The following ADGRL1 variants were observed in gnomAD, a reference collection of about 807,000 sequenced individuals.
The protein encoded by ADGRL1 is adhesion G protein-coupled receptor L1, also known as CIRL-1.
In ADGRL1, 31 loss-of-function variants were observed where a neutral mutation model predicts 148.9. That is an observed-to-expected ratio of 0.21 (90% CI 0.16 to 0.28). The LOEUF is 0.28. ADGRL1 is among the 10% of genes least tolerant of loss of function. The pLI, the probability that ADGRL1 is intolerant of heterozygous loss-of-function variation, is 1.00. For missense variants in ADGRL1, 1,521 were observed against 2,058.8 expected (o/e 0.74, Z 5.05); for synonymous variants, 937 against 900.3 (o/e 1.04, Z -0.73).
Position 14,158,069 on chromosome 19 carries a change from C to G in ADGRL1, c.2365-17G>C. 6.2e-7 allele frequency: 1 copy of G among 1,613,276 alleles called. No individual in the cohort carries two copies. On this transcript the variant is annotated splice_polypyrimidine_tract_variant and intron_variant, in intron 12 of 22. Coordinates refer to ENST00000361434, the MANE Select transcript of ADGRL1 (RefSeq NM_014921.5). Reference sequence around the variant, plus strand: ...GTTCTTGTCCTGTTGTGTGGTGGCACCAGGGTGTCATAACTAGAGTCAGAA... The same window carrying G: ...GTTCTTGTCCTGTTGTGTGGTGGCAGCAGGGTGTCATAACTAGAGTCAGAA...
At chr19:14,177,410 T>C (rs563431803) in intron 3 of ADGRL1, 121 bp downstream of exon 3, 89 of 895,584 alleles carry the variant, frequency 9.9e-5, no homozygotes, top group Non-Finnish European at 1.5e-4. Flanking sequence ...ACCTATTAAG[T>C]GCTCAGTAAA....
Position 14,162,815 on chromosome 19 carries a change from T to C in ADGRL1, c.986A>G (p.Asp329Gly). ...GTTGCCAGCCGCCTCGCTGTCATCA[T>C]CCACGTACACGGAACGCAGGACGTA... ...VLYVLRSVYVDDDSEAAGNRV... is the reference protein window; with the variant it reads ...VLYVLRSVYVGDDSEAAGNRV... The change falls in exon 5 of 23, where the codon GAT (aspartate) becomes GGT (glycine). Residue 329 changes from aspartate to glycine, a missense_variant. This residue lies in a region of ADGRL1 where 334 missense variants were observed against 512.5 expected (regional missense o/e 0.65). Coordinates refer to ENST00000361434, the MANE Select transcript of ADGRL1 (RefSeq NM_014921.5). This position sits in a 1 kb window ranked among gnomAD's most constrained non-coding sequence, Gnocchi z 5.4. 1 of 1,614,046 alleles carries C rather than the reference T, an allele frequency of 6.2e-7. No individual in the cohort carries two copies. The highest frequency in any genetic ancestry group is 8.5e-7 in the Non-Finnish European group (1 of 1,180,008).
At chr19:14,189,279 G>A (rs1318085853) in intron 1 of ADGRL1, among the ~76,000 whole-genome samples, 1 of 148,732 alleles carries the variant, frequency 6.7e-6, no homozygotes, top group Non-Finnish European at 1.5e-5. Flanking sequence ...GGAGTGCCGT[G>A]GCCCAATCTC....
intron 1 of ADGRL1, among the ~76,000 whole-genome samples, chr19:14,185,470 G>A (rs1971524433): frequency 6.6e-6 from 1 of 152,038 alleles, no homozygotes; most frequent in African/African-American, 2.4e-5. Context: ...ATTTTAAAAT[G>A]TCTTATAGAG....
chr19:14,155,968 G>A lies in ADGRL1; in HGVS notation c.3125+142C>T, dbSNP rs2144655667. 1 of 663,800 alleles carries A rather than the reference G, an allele frequency of 1.5e-6. No homozygotes were observed. Among genetic ancestry groups the A allele is most frequent in the East Asian group, 2.7e-5 (1 of 36,622 alleles). 41.1% of individuals were successfully genotyped at this position (663,800 alleles called of 1,614,324 possible). ...AAGTAGGTACATAGTGAACACAATA[G>A]AACACCCCTGTTGGTACTTAAAATT... On this transcript the variant is annotated intron_variant, in intron 17 of 22. Coordinates refer to ENST00000361434, the MANE Select transcript of ADGRL1 (RefSeq NM_014921.5). The surrounding 1 kb of genome is among the most constrained non-coding windows in gnomAD (Gnocchi z 5.0).
At chr19:14,179,026 A>T (rs1338791876) in intron 2 of ADGRL1, among the ~76,000 whole-genome samples, 1 of 151,940 alleles carries the variant, frequency 6.6e-6, no homozygotes, top group Non-Finnish European at 1.5e-5. Context: ...TCTACTAAAA[A>T]TACAAAAATC....
chr19:14,181,488 G>A (rs1210644033), intron 2 of ADGRL1, among the ~76,000 whole-genome samples: 1 of 152,200 alleles, frequency 6.6e-6, no homozygotes, highest in African/African-American at 2.4e-5. Flanking sequence ...GAAGGCCGAG[G>A]TGGGTGGATC....
chr19:14,165,040 G>C (rs1236117526), intron 4 of ADGRL1, among the ~76,000 whole-genome samples: 2 of 152,150 alleles, frequency 1.3e-5, no homozygotes, highest in Non-Finnish European at 2.9e-5. Flanking sequence ...GCACCGGCTT[G>C]GGGGGCAGCC....
At chr19:14,172,345 C>T (rs1186942060) in intron 3 of ADGRL1, among the ~76,000 whole-genome samples, 2 of 152,014 alleles carry the variant, frequency 1.3e-5, no homozygotes, top group Non-Finnish European at 2.9e-5. Flanking sequence ...TCACTTGAAC[C>T]CAGGAGGCGG....
chr19:14,198,097 G>A (rs1397715902), intron 1 of ADGRL1, among the ~76,000 whole-genome samples: 1 of 152,138 alleles, frequency 6.6e-6, no homozygotes, highest in East Asian at 1.9e-4. Context: ...CAAAGGTCCT[G>A]GGGTAGGAAT....
chr19:14,160,482 G>C lies in ADGRL1; in HGVS notation c.1614+111C>G. ...GCCAGGGAGGTGACCCCACAGTCCT[G>C]CCTTCCAGACCTGCCAGCCCATGTC... On this transcript the variant is annotated intron_variant, in intron 7 of 22. Transcript: ENST00000361434. The surrounding 1 kb of genome is among the most constrained non-coding windows in gnomAD (Gnocchi z 5.9). 1.0e-6 allele frequency: 1 copy of C among 967,280 alleles called. No individual in the cohort carries two copies. The highest frequency in any genetic ancestry group is 1.5e-6 in the Non-Finnish European group (1 of 657,538). 59.9% of individuals were successfully genotyped at this position (967,280 alleles called of 1,614,324 possible). A position where few individuals can be genotyped will look rare whatever the true frequency, so the allele number is the denominator to read the frequency against.
At position 14,160,094 on chromosome 19, in the gene ADGRL1, G is replaced by A. The variant is rs998663197; in HGVS notation, c.1800+18C>T. ...GGCGCCCTCCCCATACCAGGTCAGCGCCACCGCCAGGCCCCACCTTGTTGT... is the reference window on the plus strand; with the variant it reads ...GGCGCCCTCCCCATACCAGGTCAGCACCACCGCCAGGCCCCACCTTGTTGT... On this transcript the variant is annotated intron_variant, in intron 8 of 22. Coordinates refer to ENST00000361434, the MANE Select transcript of ADGRL1 (RefSeq NM_014921.5). The surrounding 1 kb of genome is among the most constrained non-coding windows in gnomAD (Gnocchi z 5.9). 4.2e-5 allele frequency: 66 copies of A among 1,563,424 alleles called. No homozygotes were observed. Among genetic ancestry groups the A allele is most frequent in the Non-Finnish European group, 5.5e-5 (63 of 1,147,160 alleles).
intron 1 of ADGRL1, among the ~76,000 whole-genome samples, chr19:14,200,954 G>A (rs921900700): frequency 5.9e-5 from 9 of 152,184 alleles, no homozygotes; most frequent in Non-Finnish European, 1.2e-4. Flanking sequence ...TGCCAACCCA[G>A]GACAATTCTG....
intron 1 of ADGRL1, among the ~76,000 whole-genome samples, chr19:14,185,434 C>T (rs1971521778): frequency 1.3e-5 from 2 of 152,218 alleles, no homozygotes; most frequent in Admixed American, 6.5e-5. Context: ...GCTGGGACCA[C>T]AGGCTCTCGC....
At chr19:14,201,417 A>ATT (rs59270792) in intron 1 of ADGRL1, among the ~76,000 whole-genome samples, 4 of 138,286 alleles carry the variant, frequency 2.9e-5, no homozygotes, top group Non-Finnish European at 6.2e-5. Flanking sequence ...AGGCAGGGGC[A>ATT]TTTTTTTTTT....
At chr19:14,190,730 G>C (rs1356526191) in intron 1 of ADGRL1, among the ~76,000 whole-genome samples, 1 of 152,160 alleles carries the variant, frequency 6.6e-6, no homozygotes, top group Non-Finnish European at 1.5e-5. Flanking sequence ...TTGTCTTTCT[G>C]TGTCTGGCTT....
At chr19:14,191,248 C>T (rs1971916720) in intron 1 of ADGRL1, 1 of 456,590 alleles carries the variant, frequency 2.2e-6, no homozygotes, top group South Asian at 1.5e-5. Context: ...GAGGTGTCCT[C>T]CCCAGAGACG....
Position 14,177,719 on chromosome 19 carries a change from G to C in ADGRL1, c.96C>G (p.Phe32Leu), listed in dbSNP as rs369419269. ...TQGLSRAGLP[F>L]GLMRRELACE... ...ACGCCAGCTCCCGGCGCATCAGCCC[G>C]AACGGGAGCCCGGCCCGGCTCAGGC... The change falls in exon 3 of 23, where the codon TTC becomes TTG. Residue 32 changes from phenylalanine to leucine, a missense_variant. Phe to Leu is a conservative substitution (Grantham distance 22). Coordinates refer to ENST00000361434, the MANE Select transcript of ADGRL1 (RefSeq NM_014921.5). The C allele has an allele frequency of 1.9e-6, 3 of 1,612,878 alleles. No individual in the cohort carries two copies. Among genetic ancestry groups the C allele is most frequent in the Non-Finnish European group, 2.5e-6 (3 of 1,179,814 alleles).
At position 14,157,773 on chromosome 19, in the gene ADGRL1, C is replaced by T; in HGVS notation, c.2535+109G>A. ...CAGGCAAGACCAGGGGCCCCCCACA[C>T]CCATGGGGCTAGCCTCCCCTGGTAC... On this transcript the variant is annotated intron_variant, in intron 13 of 22. Coordinates refer to ENST00000361434, the MANE Select transcript of ADGRL1 (RefSeq NM_014921.5). This position sits in a 1 kb window ranked among gnomAD's most constrained non-coding sequence, Gnocchi z 7.5. 3 of 1,377,684 alleles carry T rather than the reference C, an allele frequency of 2.2e-6. No individual in the cohort carries two copies. Among genetic ancestry groups the T allele is most frequent in the Non-Finnish European group, 2.9e-6 (3 of 1,020,572 alleles). 85.3% of individuals were successfully genotyped at this position (1,377,684 alleles called of 1,614,324 possible). A position where few individuals can be genotyped will look rare whatever the true frequency, so the allele number is the denominator to read the frequency against.
Sources: gnomAD v4.1 joint callset for allele counts (sites outside exome capture counted in the v4.1 genomes callset) on GRCh38, gnomAD v4.1.1 for gene constraint, gnomAD v4.1.1 regional missense constraint, Gnocchi (gnomAD v3.1) non-coding constraint, MANE v1.5 for transcripts, NCBI Gene and HGNC (gene_info 2026-07-23, HGNC 2026-07-21) for gene names.